IPP: variants seen among roughly 807,000 people sequenced by gnomAD.
The protein encoded by IPP is intracisternal A particle-promoted polypeptide, also known as actin-binding protein IPP.
Under a neutral mutation model 64.1 loss-of-function variants are expected in IPP, and 41 were observed. The observed-to-expected ratio is 0.64, with a 90% CI of 0.50 to 0.83. The LOEUF (loss-of-function observed/expected upper bound fraction) is 0.83. Ranked by LOEUF, IPP falls within the 40% of genes least tolerant of loss-of-function variation. The pLI is 0.00. For synonymous variants in IPP, 214 were observed against 235.2 expected, an observed-to-expected ratio of 0.91 and a Z score of 0.83; for missense variants, 649 against 703.0, an observed-to-expected ratio of 0.92 and a Z score of 0.87.
At chr1:45,748,696 G>A (rs1387450578) in intron 1 of IPP, among the ~76,000 whole-genome samples, 1 of 151,938 alleles carries the variant, frequency 6.6e-6, no homozygotes, top group Non-Finnish European at 1.5e-5. Context: ...CAAAAAGCAG[G>A]TGCGGTGACT....
rs985820485 is a variant in IPP at position 45,698,925 on chromosome 1, T to G, written c.*1041A>C. On this transcript the variant is annotated 3_prime_UTR_variant, in exon 9 of 9. Transcript: ENST00000396478. The stretch of plus-strand genomic sequence containing the variant: ...TTGGTAGAGACGGAGTCTCATCACG[T>G]TGCCCAGGCTAGTCTCGAACTCCTG... The G allele has an allele frequency of 2.2e-6, 1 of 451,868 alleles. No individual in the cohort carries two copies. Among genetic ancestry groups the G allele is most frequent in the African/African-American group, 2.1e-5 (1 of 46,820 alleles). The allele number at this position is 451,868 out of a possible 1,614,324, so 28.0% of individuals were successfully genotyped here. A position where few individuals can be genotyped will look rare whatever the true frequency, so the allele number is the denominator to read the frequency against.
chr1:45,718,918 A>T (rs972268225), intron 6 of IPP, among the ~76,000 whole-genome samples: 2 of 151,582 alleles, frequency 1.3e-5, no homozygotes, highest in Non-Finnish European at 2.9e-5. Context: ...AAAAAAAAAA[A>T]GAATGAATAA....
At chr1:45,718,488 G>A (rs550613858) in intron 6 of IPP, among the ~76,000 whole-genome samples, 1 of 152,130 alleles carries the variant, frequency 6.6e-6, no homozygotes, top group Non-Finnish European at 1.5e-5. Context: ...GCCCAACAAG[G>A]CTCTGCCCTG....
intron 5 of IPP, among the ~76,000 whole-genome samples, chr1:45,723,733 C>A (rs554045807): frequency 6.6e-6 from 1 of 151,986 alleles, no homozygotes; most frequent in Non-Finnish European, 1.5e-5. Context: ...GTTCCTATAT[C>A]ACCATAATTT....
intron 5 of IPP, among the ~76,000 whole-genome samples, chr1:45,724,708 G>A (rs1390442172): frequency 2.7e-4 from 41 of 150,062 alleles, no homozygotes; most frequent in African/African-American, 1.0e-3. Flanking sequence ...CTGCCCGGCC[G>A]CCCCGTCTGA....
At chr1:45,709,559 T>C (rs1645562677) in intron 8 of IPP, among the ~76,000 whole-genome samples, 1 of 150,288 alleles carries the variant, frequency 6.7e-6, no homozygotes, top group African/African-American at 2.4e-5. Context: ...TAAAAGACAT[T>C]CTCAACTGGG....
intron 6 of IPP, 50 bp downstream of exon 6, chr1:45,719,153 A>G (rs753031529): frequency 5.1e-6 from 8 of 1,581,922 alleles, no homozygotes; most frequent in Non-Finnish European, 6.9e-6. Flanking sequence ...AATGAAAATT[A>G]AAAATACATA....
intron 2 of IPP, among the ~76,000 whole-genome samples, chr1:45,744,852 AT>A (rs1424575999): frequency 3.5e-4 from 43 of 122,586 alleles, no homozygotes; most frequent in African/African-American, 1.1e-3. Context: ...AAAAAAAAAA[AT>A]TTTTTTTTAG....
chr1:45,728,126 CTG>C (rs371114917), intron 4 of IPP, among the ~76,000 whole-genome samples: 17,370 of 131,980 alleles, frequency 0.13, 1,035 homozygotes, highest in African/African-American at 0.18. Context: ...GAGTTGAAAG[CTG>C]TGTGTGTGTG....
At position 45,746,120 on chromosome 1, in the gene IPP, C is replaced by G. The variant is rs1646129156; in HGVS notation, c.292G>C (p.Gly98Arg). ...AAAGCAACAGACTCATGTAACATAC[C>G]TGTGTAAATGAAATCTAGAAGTATC... is the stretch of plus-strand genomic sequence containing the variant. ...FQILLDFIYT[G>R]IVNIGVNNVQ... The change falls in exon 2 of 9, where the codon GGT (glycine) becomes CGT (arginine). Residue 98 changes from glycine to arginine, a missense_variant and splice_region_variant. Coordinates refer to ENST00000396478, the MANE Select transcript of IPP (RefSeq NM_005897.3). The G allele has an allele frequency of 2.5e-6, 4 of 1,607,616 alleles. No homozygotes were observed. The highest frequency in any genetic ancestry group is 1.3e-5 in the African/African-American group (1 of 74,902).
chr1:45,714,959 T>G (rs1388263463), intron 7 of IPP, among the ~76,000 whole-genome samples: 2 of 152,066 alleles, frequency 1.3e-5, no homozygotes, highest in African/African-American at 4.8e-5. Flanking sequence ...CACAGCTGGG[T>G]GTAGTGGTTC....
At chr1:45,726,377 G>C (rs1645828181) in intron 5 of IPP, among the ~76,000 whole-genome samples, 1 of 152,018 alleles carries the variant, frequency 6.6e-6, no homozygotes, top group African/African-American at 2.4e-5. Context: ...AGAATCGCTT[G>C]AACCCGGGAG....
chr1:45,703,663 AG>A (rs532340353), intron 8 of IPP, among the ~76,000 whole-genome samples: 338 of 152,270 alleles, frequency 2.2e-3, no homozygotes, highest in Non-Finnish European at 4.1e-3. Flanking sequence ...CCTTGAATAT[AG>A]TTGACCAGGG....
chr1:45,746,544 C>G, intron 1 of IPP, 83 bp from the exon 2 acceptor site: 5 of 616,414 alleles, frequency 8.1e-6, no homozygotes, highest in South Asian at 2.1e-5. Flanking sequence ...ATTCTCTATA[C>G]TTAAAATCTA....
Position 45,746,414 on chromosome 1 carries a change from T to C in IPP, c.-3A>G. The C allele has an allele frequency of 1.3e-6, 2 of 1,599,058 alleles. No homozygotes were observed. The highest frequency in any genetic ancestry group is 1.7e-6 in the Non-Finnish European group (2 of 1,167,866). ...TTGGGACAGTCCTCATTAGCCATGA[T>C]GACGGTAGATTAATTAAAAGGACTG... is the stretch of plus-strand genomic sequence containing the variant. On this transcript the variant is annotated 5_prime_UTR_variant, in exon 2 of 9. Coordinates refer to ENST00000396478, the MANE Select transcript of IPP (RefSeq NM_005897.3).
intron 8 of IPP, among the ~76,000 whole-genome samples, chr1:45,701,768 G>A (rs536921520): frequency 1.6e-3 from 238 of 152,310 alleles, no homozygotes; most frequent in Non-Finnish European, 2.5e-3. Context: ...AGTGAAGACT[G>A]ATTATTCATC....
intron 5 of IPP, among the ~76,000 whole-genome samples, chr1:45,725,118 G>A (rs1402157292): frequency 3.7e-5 from 5 of 135,906 alleles, no homozygotes; most frequent in African/African-American, 1.1e-4. Flanking sequence ...GGGGGAGGGG[G>A]GGTCAGCCCC....
chr1:45,747,125 C>T (rs1248248233), intron 1 of IPP, among the ~76,000 whole-genome samples: 28 of 151,360 alleles, frequency 1.8e-4, no homozygotes, highest in Non-Finnish European at 3.0e-5. Flanking sequence ...CACGAGCGCG[C>T]GCGCGCGCTT....
At chr1:45,700,543 G>C (rs1162118406) in intron 8 of IPP, among the ~76,000 whole-genome samples, 1 of 152,032 alleles carries the variant, frequency 6.6e-6, no homozygotes, top group Non-Finnish European at 1.5e-5. Flanking sequence ...TCACCATGTT[G>C]TCCAGGATGG....
Sources: gnomAD v4.1 joint callset for allele counts (sites outside exome capture counted in the v4.1 genomes callset) on GRCh38, gnomAD v4.1.1 for gene constraint, MANE v1.5 for transcripts, NCBI Gene and HGNC (gene_info 2026-07-23, HGNC 2026-07-21) for gene names.